Variants in ADGRL3 observed in about 807,000 individuals in gnomAD.
The protein encoded by ADGRL3 is calcium-independent alpha-latrotoxin receptor 3.
ADGRL3 carries 62 observed loss-of-function variants against 153.5 expected under a neutral mutation model. That is an observed-to-expected ratio of 0.40 (90% CI 0.33 to 0.50). The LOEUF is 0.50. Among genes scored for constraint, ADGRL3 ranks in the 20% least tolerant of loss-of-function variants. The pLI, the probability that ADGRL3 is intolerant of heterozygous loss-of-function variation, is 0.47. For synonymous variants in ADGRL3, 710 were observed against 672.5 expected, an observed-to-expected ratio of 1.06 and a Z score of -0.86; for missense variants, 1,641 against 1,859.4, an observed-to-expected ratio of 0.88 and a Z score of 2.16.
intron 21 of ADGRL3, among the ~76,000 whole-genome samples, chr4:62,013,225 T>C (rs1407438971): frequency 6.6e-6 from 1 of 152,102 alleles, no homozygotes; most frequent in Non-Finnish European, 1.5e-5. Context: ...ATATTGTTAA[T>C]TGCCATTAGA....
intron 1 of ADGRL3, among the ~76,000 whole-genome samples, chr4:61,333,605 T>C (rs997272519): frequency 1.5e-4 from 23 of 152,172 alleles, no homozygotes; most frequent in African/African-American, 5.1e-4. Flanking sequence ...TTTTTTTCTT[T>C]TGTTTTTTGA....
chr4:61,374,152 A>G (rs2096575147), intron 1 of ADGRL3, among the ~76,000 whole-genome samples: 1 of 152,090 alleles, frequency 6.6e-6, no homozygotes, highest in Admixed American at 6.5e-5. Flanking sequence ...TTTGGGTAGA[A>G]AAAAATTTCT....
chr4:62,046,572 TATTTC>T (rs1731236237), intron 25 of ADGRL3, among the ~76,000 whole-genome samples: 1 of 152,004 alleles, frequency 6.6e-6, no homozygotes, highest in Non-Finnish European at 1.5e-5. Flanking sequence ...TTTTAAAAGA[TATTTC>T]ATACAGCTGT....
chr4:61,388,249 AACAAT>A (rs2096762914), intron 2 of ADGRL3, among the ~76,000 whole-genome samples: 1 of 152,194 alleles, frequency 6.6e-6, no homozygotes, highest in Non-Finnish European at 1.5e-5. Flanking sequence ...TAAGTGGGTT[AACAAT>A]ATGATCTACC....
At chr4:61,543,416 T>A (rs533239105) in intron 4 of ADGRL3, among the ~76,000 whole-genome samples, 1 of 152,240 alleles carries the variant, frequency 6.6e-6, no homozygotes, top group African/African-American at 2.4e-5. Context: ...GAAAGGAGCT[T>A]CTAAAAGCTA....
chr4:61,307,942 A>AT (rs2094854534), intron 1 of ADGRL3, among the ~76,000 whole-genome samples: 1 of 152,182 alleles, frequency 6.6e-6, no homozygotes, highest in Non-Finnish European at 1.5e-5. Context: ...GTTAAGACTG[A>AT]TTTTAAAAAC....
At chr4:61,759,461 G>A (rs9759648) in intron 8 of ADGRL3, among the ~76,000 whole-genome samples, 13,246 of 152,068 alleles carry the variant, frequency 0.087, 1,222 homozygotes, top group African/African-American at 0.23. Flanking sequence ...CAGTTGATCA[G>A]ATCGACTACG....
intron 4 of ADGRL3, among the ~76,000 whole-genome samples, chr4:61,523,893 AT>A (rs1371271623): frequency 6.6e-6 from 1 of 152,032 alleles, no homozygotes; most frequent in Non-Finnish European, 1.5e-5. Flanking sequence ...TGACTATTGA[AT>A]TTTTTCACAA....
chr4:61,482,095 G>C (rs1020530234), intron 2 of ADGRL3, among the ~76,000 whole-genome samples: 10 of 152,128 alleles, frequency 6.6e-5, no homozygotes, highest in African/African-American at 2.4e-4. Flanking sequence ...AGACTTGCTA[G>C]AAGAACCAAA....
chr4:61,348,336 T>C (rs72634763), intron 1 of ADGRL3, among the ~76,000 whole-genome samples: 7 of 152,198 alleles, frequency 4.6e-5, no homozygotes, highest in Admixed American at 1.3e-4. Flanking sequence ...AGACATTTGT[T>C]AATCTTTGTC....
chr4:61,907,401 G>A (rs998329585), intron 11 of ADGRL3, among the ~76,000 whole-genome samples: 12 of 152,018 alleles, frequency 7.9e-5, no homozygotes, highest in Non-Finnish European at 1.6e-4. Flanking sequence ...TGGGACTACA[G>A]GCATGCGCCA....
At chr4:61,746,517 A>AG (rs2096663743) in intron 8 of ADGRL3, among the ~76,000 whole-genome samples, 1 of 152,196 alleles carries the variant, frequency 6.6e-6, no homozygotes, top group Non-Finnish European at 1.5e-5. Flanking sequence ...CTCTGAGACC[A>AG]CAGTGCAATC....
At chr4:61,518,707 G>A (rs778735189) in intron 4 of ADGRL3, among the ~76,000 whole-genome samples, 4 of 152,172 alleles carry the variant, frequency 2.6e-5, no homozygotes, top group African/African-American at 7.2e-5. Flanking sequence ...TGTAGTGGTG[G>A]TTTGGCAGCA....
chr4:61,701,317 G>A (rs73217681), intron 6 of ADGRL3, among the ~76,000 whole-genome samples: 2,153 of 152,066 alleles, frequency 0.014, 41 homozygotes, highest in African/African-American at 0.049. Flanking sequence ...CTCAAAGTAG[G>A]TTATATGGAA....
Position 61,208,598 on chromosome 4 carries a change from G to C in ADGRL3, c.-240+6833G>C, listed in dbSNP as rs150113790. ...TTAAAATTTCATATAAAAGATAATC[G>C]ACTTTATTTTACTCTCACACTTTAG... On this transcript the variant is annotated intron_variant, in intron 1 of 26. Transcript: ENST00000683033. Among the ~76,000 whole-genome samples the C allele has an allele frequency of 8.4e-4, 128 of 151,920 alleles. 1 individual carries two copies. In the East Asian group the frequency reaches 0.012, roughly 15 times the overall value.
At chr4:61,886,859 C>T (rs2098542525) in intron 9 of ADGRL3, among the ~76,000 whole-genome samples, 1 of 151,654 alleles carries the variant, frequency 6.6e-6, no homozygotes, top group African/African-American at 2.4e-5. Context: ...GTTGGCCAGG[C>T]TGGTCTCAAA....
chr4:61,546,510 A>G (rs1415475472), intron 4 of ADGRL3, among the ~76,000 whole-genome samples: 1 of 152,150 alleles, frequency 6.6e-6, no homozygotes, highest in Non-Finnish European at 1.5e-5. Flanking sequence ...ATATTTTACT[A>G]TTCTCATTGC....
At chr4:61,395,484 C>T (rs1271582941) in intron 2 of ADGRL3, among the ~76,000 whole-genome samples, 2 of 151,608 alleles carry the variant, frequency 1.3e-5, no homozygotes, top group Non-Finnish European at 3.0e-5. Flanking sequence ...AATTTATTCA[C>T]AAAACTTATA....
chr4:61,904,251 C>T (rs947941360), intron 11 of ADGRL3, among the ~76,000 whole-genome samples: 6 of 143,732 alleles, frequency 4.2e-5, no homozygotes, highest in Non-Finnish European at 7.6e-5. Flanking sequence ...TAGAGATTTT[C>T]TTATTTTACT....
Sources: gnomAD v4.1 joint callset for allele counts (sites outside exome capture counted in the v4.1 genomes callset) on GRCh38, gnomAD v4.1.1 for gene constraint, MANE v1.5 for transcripts, NCBI Gene and HGNC (gene_info 2026-07-23, HGNC 2026-07-21) for gene names.